Variants in YBEY observed in about 807,000 individuals in gnomAD.
The protein encoded by YBEY is ybeY metalloendoribonuclease.
A neutral mutation model predicts 13.5 loss-of-function variants in YBEY; 15 were observed. That is an observed-to-expected ratio of 1.11 (90% CI 0.75 to 1.72). YBEY has a LOEUF of 1.72. Among genes scored for constraint, YBEY ranks in the 40% most tolerant of loss-of-function variants. YBEY has a pLI of 0.00. For missense variants in YBEY, 244 were observed against 208.4 expected (o/e 1.17, Z -1.05); for synonymous variants, 101 against 83.1 (o/e 1.21, Z -1.17).
At chr21:46,304,575 A>G in the YBEY span, among the ~76,000 whole-genome samples, 1 of 152,198 alleles carries the variant, frequency 6.6e-6, no homozygotes, top group South Asian at 2.1e-4. Flanking sequence ...ATGAACTTCC[A>G]TAAGATGCCC....
intron 2 of YBEY, among the ~76,000 whole-genome samples, chr21:46,290,906 G>A (rs13050738): frequency 0.4 from 61,008 of 150,660 alleles, 12,854 homozygotes; most frequent in Admixed American, 0.47. Context: ...TTAGCCGGGC[G>A]TGGTGGCGCA....
downstream of YBEY, chr21:46,301,922 T>TA: frequency 7.2e-7 from 1 of 1,390,926 alleles, no homozygotes; most frequent in Non-Finnish European, 9.3e-7. Context: ...CTCCCTTCCA[T>TA]AGTCCCGCCA....
chr21:46,300,857 A>C, downstream of YBEY: 2 of 1,149,630 alleles, frequency 1.7e-6, no homozygotes, highest in Non-Finnish European at 2.3e-6. Flanking sequence ...ACATTAAAAG[A>C]GCAAAGAAAC....
downstream of YBEY, among the ~76,000 whole-genome samples, chr21:46,298,433 G>GATTTTTTTTTTTTTTTTTTTTTT (rs1569107101): frequency 3.0e-5 from 2 of 67,238 alleles, 1 homozygote; most frequent in Non-Finnish European, 7.3e-5. Flanking sequence ...TTTAATCCAA[G>GATTTTTTTTTTTTTTTTTTTTTT]CTTTTTTTTT....
At chr21:46,297,859 C>G, downstream of YBEY, 2 of 1,040,942 alleles carry the variant, frequency 1.9e-6, no homozygotes, top group South Asian at 9.9e-5. Flanking sequence ...GGGAGCACCG[C>G]GCAGCGCTCG....
the YBEY span, among the ~76,000 whole-genome samples, chr21:46,303,744 TA>T: frequency 1.3e-3 from 24 of 17,906 alleles, no homozygotes; most frequent in African/African-American, 3.1e-3. Flanking sequence ...TATATATATA[TA>T]TTTTTTTTTT....
At chr21:46,294,891 G>T (rs901869702) in intron 3 of YBEY, among the ~76,000 whole-genome samples, 2 of 152,218 alleles carry the variant, frequency 1.3e-5, no homozygotes, top group Non-Finnish European at 2.9e-5. Flanking sequence ...TGTGTGGCTT[G>T]AGGCAGAGCT....
At chr21:46,297,394 G>T in intron 4 of YBEY, 145 bp from the exon 5 acceptor site, 1 of 515,834 alleles carries the variant, frequency 1.9e-6, no homozygotes, top group Non-Finnish European at 2.5e-6. Flanking sequence ...CCCGGAGCCG[G>T]GTCCCGCCTT....
the YBEY span, among the ~76,000 whole-genome samples, chr21:46,310,819 C>CTAAA: frequency 2.0e-5 from 3 of 150,860 alleles, no homozygotes; most frequent in African/African-American, 7.3e-5. Context: ...CTCTCTCTCT[C>CTAAA]TAAATAAATA....
At chr21:46,288,802 G>A (rs1291781944) in intron 2 of YBEY, among the ~76,000 whole-genome samples, 1 of 152,196 alleles carries the variant, frequency 6.6e-6, no homozygotes, top group East Asian at 1.9e-4. Flanking sequence ...AGGATCACTT[G>A]AGCCCAGGAG....
chr21:46,289,660 G>C (rs941341453), intron 2 of YBEY, among the ~76,000 whole-genome samples: 1 of 151,592 alleles, frequency 6.6e-6, no homozygotes, highest in African/African-American at 2.4e-5. Flanking sequence ...CACCATGTTG[G>C]CCAAGCTGGT....
At chr21:46,303,651 C>T in the YBEY span, among the ~76,000 whole-genome samples, 3 of 137,452 alleles carry the variant, frequency 2.2e-5, no homozygotes, top group Non-Finnish European at 4.6e-5. Context: ...CAGGAGCTGA[C>T]ACCAGTCATA....
chr21:46,312,752 C>T, the YBEY span, among the ~76,000 whole-genome samples: 6 of 152,306 alleles, frequency 3.9e-5, no homozygotes, highest in African/African-American at 7.2e-5. Flanking sequence ...TCCCTAATGA[C>T]GGATGGTGTT....
the YBEY span, among the ~76,000 whole-genome samples, chr21:46,312,300 C>T: frequency 2.0e-5 from 3 of 152,066 alleles, no homozygotes; most frequent in Non-Finnish European, 4.4e-5. Flanking sequence ...TTAATAGGAG[C>T]AACCAACACT....
intron 2 of YBEY, among the ~76,000 whole-genome samples, chr21:46,288,962 T>A (rs769048201): frequency 1.3e-5 from 2 of 152,138 alleles, no homozygotes; most frequent in Non-Finnish European, 2.9e-5. Flanking sequence ...AAACTGAGGC[T>A]GCAGTGAGCC....
At chr21:46,302,435 AC>A (rs769340468), downstream of YBEY, 4 of 1,420,734 alleles carry the variant, frequency 2.8e-6, no homozygotes, top group South Asian at 4.9e-5. Flanking sequence ...AAGAAAAACC[AC>A]CCAGGCCCTG....
intron 2 of YBEY, among the ~76,000 whole-genome samples, chr21:46,289,597 C>G (rs917379497): frequency 1.3e-5 from 2 of 151,900 alleles, no homozygotes; most frequent in African/African-American, 4.8e-5. Flanking sequence ...AGGCGCCCAC[C>G]ACCACATCTG....
At chr21:46,303,706 A>ATATATATATATAT in the YBEY span, among the ~76,000 whole-genome samples, 1 of 25,752 alleles carries the variant, frequency 3.9e-5, no homozygotes, top group East Asian at 8.6e-4. Context: ...ACACACACAC[A>ATATATATATATAT]AAATATATAT....
intron 3 of YBEY, 80 bp from the exon 4 acceptor site, chr21:46,296,082 G>A: frequency 6.6e-7 from 1 of 1,524,556 alleles, no homozygotes; most frequent in Non-Finnish European, 9.1e-7. Context: ...ACCAAGAGCA[G>A]CCTGTGGCCC....
Sources: allele counts gnomAD v4.1 joint callset (sites outside exome capture counted in the v4.1 genomes callset), GRCh38; gene constraint gnomAD v4.1.1; transcripts MANE v1.5; gene names NCBI Gene and HGNC (gene_info 2026-07-23, HGNC 2026-07-21).